MAST4: variants seen among roughly 807,000 people sequenced by gnomAD.
The protein encoded by MAST4 is microtubule associated serine/threonine kinase family member 4, also known as microtubule-associated serine/threonine-protein kinase 4.
In MAST4, 89 loss-of-function variants were observed where a neutral mutation model predicts 162.7. The observed-to-expected ratio is 0.55, with a 90% CI of 0.46 to 0.65. The LOEUF (loss-of-function observed/expected upper bound fraction) is 0.65. Ranked by LOEUF, MAST4 falls within the 30% of genes least tolerant of loss-of-function variation. MAST4 has a pLI of 0.00. For missense variants in MAST4, 3,153 were observed against 3,374.0 expected (o/e 0.93, Z 1.62); for synonymous variants, 1,479 against 1,361.1 (o/e 1.09, Z -1.91).
chr5:66,605,657 T>A (rs988095605), intron 1 of MAST4, among the ~76,000 whole-genome samples: 8 of 152,174 alleles, frequency 5.3e-5, no homozygotes, highest in Admixed American at 4.6e-4. Context: ...TACCCTGGTT[T>A]ATTGTTGCTT....
intron 2 of MAST4, among the ~76,000 whole-genome samples, chr5:66,764,999 T>C (rs1465593004): frequency 3.3e-5 from 5 of 152,172 alleles, no homozygotes; most frequent in African/African-American, 9.7e-5. Context: ...ATCTTTTATA[T>C]TTTAAGGTAG....
At chr5:66,782,483 C>G (rs1263233828) in intron 2 of MAST4, among the ~76,000 whole-genome samples, 1 of 152,134 alleles carries the variant, frequency 6.6e-6, no homozygotes, top group East Asian at 1.9e-4. Context: ...ATAACCAGTA[C>G]AAGAAGTCCA....
intron 2 of MAST4, among the ~76,000 whole-genome samples, chr5:66,774,652 A>G (rs754806473): frequency 2.0e-5 from 3 of 152,092 alleles, no homozygotes; most frequent in African/African-American, 7.2e-5. Flanking sequence ...TTTCTTGAGG[A>G]CTTTTTCCTT....
At position 67,167,162 on chromosome 5, in the gene MAST4, G is replaced by A. The variant is rs1449949811; in HGVS notation, c.*111G>A. ...GGGAATGTCCGCCAGGCAGAGCTCG[G>A]AGCCTCATTGAGACAGGGGAGAGAG... On this transcript the variant is annotated 3_prime_UTR_variant, in exon 29 of 29. Coordinates refer to ENST00000403625, the MANE Select transcript of MAST4 (RefSeq NM_001164664.2). The A allele has an allele frequency of 4.5e-6, 4 of 891,752 alleles. No individual in the cohort carries two copies. The highest frequency in any genetic ancestry group is 6.3e-6 in the Non-Finnish European group (4 of 634,746). 55.2% of individuals were successfully genotyped at this position (891,752 alleles called of 1,614,324 possible). A position where few individuals can be genotyped will look rare whatever the true frequency, so the allele number is the denominator to read the frequency against.
intron 4 of MAST4, among the ~76,000 whole-genome samples, chr5:66,963,351 T>G (rs1208308136): frequency 6.6e-6 from 1 of 152,228 alleles, no homozygotes; most frequent in East Asian, 1.9e-4. Flanking sequence ...ACCTAAATTT[T>G]TATTTGCATT....
At chr5:66,859,693 G>A (rs1157913573) in intron 3 of MAST4, among the ~76,000 whole-genome samples, 2 of 152,188 alleles carry the variant, frequency 1.3e-5, no homozygotes, top group Admixed American at 6.5e-5. Flanking sequence ...GTCATTGAGT[G>A]CAATATCACA....
chr5:67,085,666 T>G (rs1763157021), intron 5 of MAST4, among the ~76,000 whole-genome samples: 1 of 152,224 alleles, frequency 6.6e-6, no homozygotes, highest in African/African-American at 2.4e-5. Context: ...TGTGAACACT[T>G]GACAACTTAC....
intron 1 of MAST4, among the ~76,000 whole-genome samples, chr5:66,624,723 A>G (rs940815647): frequency 3.3e-5 from 5 of 152,204 alleles, no homozygotes; most frequent in Admixed American, 1.3e-4. Flanking sequence ...AAGAATAGAG[A>G]GCCCAGAAAT....
intron 4 of MAST4, among the ~76,000 whole-genome samples, chr5:67,033,610 T>C (rs551338257): frequency 1.3e-5 from 2 of 152,258 alleles, no homozygotes; most frequent in South Asian, 4.1e-4. Flanking sequence ...AGCAGTGATG[T>C]GTGGTGCCCT....
intron 4 of MAST4, chr5:66,917,060 A>G (rs1337563108): frequency 4.2e-6 from 3 of 717,430 alleles, no homozygotes; most frequent in Non-Finnish European, 7.8e-6. Context: ...CTTTACCCAA[A>G]AGAATAGAAA....
intron 1 of MAST4, among the ~76,000 whole-genome samples, chr5:66,661,130 C>T (rs1044244150): frequency 5.3e-5 from 8 of 152,130 alleles, no homozygotes; most frequent in East Asian, 1.9e-4. Context: ...AGAAACGCAA[C>T]GTGAACATAG....
intron 17 of MAST4, 120 bp from the exon 18 acceptor site, chr5:67,134,403 A>G (rs991044158): frequency 1.3e-4 from 87 of 694,486 alleles, no homozygotes; most frequent in Non-Finnish European, 1.8e-4. Context: ...TTCTTTGTCC[A>G]TGTGGTTCCA....
chr5:67,145,284 A>T lies in MAST4; in HGVS notation c.2999A>T (p.Glu1000Val). 5.0e-6 allele frequency: 8 copies of T among 1,613,902 alleles called. No homozygotes were observed. The highest frequency in any genetic ancestry group is 5.9e-6 in the Non-Finnish European group (7 of 1,179,880). The change falls in exon 23 of 29, where the codon GAG (glutamate) becomes GTG (valine). Residue 1000 changes from glutamate to valine, a missense_variant. By Grantham distance (121) the Glu-to-Val change is moderately radical. Around this residue, in one of 7 missense-constraint regions of MAST4, gnomAD observed 619 missense variants for 744.2 expected, o/e 0.83. Coordinates refer to ENST00000403625, the MANE Select transcript of MAST4 (RefSeq NM_001164664.2). ...TCCTGCCCTGGAGACCCCCATGAGG[A>T]GCCAGGAAAGCCAGCCCTTCCTCCT... ...AASCPGDPHEEPGKPALPPEE... is the reference protein window; with the variant it reads ...AASCPGDPHEVPGKPALPPEE...
intron 1 of MAST4, among the ~76,000 whole-genome samples, chr5:66,712,075 GTGT>G (rs1379251297): frequency 6.6e-6 from 1 of 152,144 alleles, no homozygotes; most frequent in Non-Finnish European, 1.5e-5. Context: ...TGGACTTTTT[GTGT>G]TGTTTTCATT....
intron 17 of MAST4, among the ~76,000 whole-genome samples, chr5:67,134,102 G>A (rs755651915): frequency 6.6e-6 from 1 of 152,054 alleles, no homozygotes; most frequent in Non-Finnish European, 1.5e-5. Context: ...CATCTCAACT[G>A]TCATTGCTTT....
chr5:66,877,963 T>A (rs1761417062), intron 3 of MAST4, among the ~76,000 whole-genome samples: 1 of 152,246 alleles, frequency 6.6e-6, no homozygotes, highest in African/African-American at 2.4e-5. Context: ...CCTCTACCTT[T>A]TCATTGATTT....
chr5:66,828,776 G>A (rs1346767707), intron 3 of MAST4: 40 of 1,574,738 alleles, frequency 2.5e-5, no homozygotes, highest in Non-Finnish European at 3.4e-5. Context: ...CTGAATTAGC[G>A]TGCTGAAGTA....
At chr5:66,939,138 G>T (rs1743089685) in intron 4 of MAST4, among the ~76,000 whole-genome samples, 1 of 152,024 alleles carries the variant, frequency 6.6e-6, no homozygotes, top group Non-Finnish European at 1.5e-5. Flanking sequence ...ATAGGTAAAA[G>T]AAAAACAGAT....
intron 5 of MAST4, among the ~76,000 whole-genome samples, chr5:67,088,978 C>T (rs1314887002): frequency 6.6e-6 from 1 of 152,198 alleles, no homozygotes; most frequent in African/African-American, 2.4e-5. Flanking sequence ...TTTCTGCACA[C>T]TGGTAATAAA....
Sources: allele counts gnomAD v4.1 joint callset (sites outside exome capture counted in the v4.1 genomes callset), GRCh38; gene constraint gnomAD v4.1.1; regional missense constraint gnomAD v4.1.1; transcripts MANE v1.5; gene names NCBI Gene and HGNC (gene_info 2026-07-23, HGNC 2026-07-21).